The following MYH11 variants were observed in gnomAD, a reference collection of about 807,000 sequenced individuals.
MYH11 encodes the protein myosin heavy chain 11, also known as myosin-11.
Under a neutral mutation model 246.6 loss-of-function variants are expected in MYH11, and 80 were observed. That is an observed-to-expected ratio of 0.32 (90% CI 0.27 to 0.39). The LOEUF (loss-of-function observed/expected upper bound fraction) is 0.39. Among genes scored for constraint, MYH11 ranks in the 10% least tolerant of loss-of-function variants. MYH11 has a pLI of 1.00. For synonymous variants in MYH11, 1,071 were observed against 1,015.5 expected (o/e 1.05, Z -1.04); for missense variants, 2,158 against 2,546.8 (o/e 0.85, Z 3.29).
chr16:15,825,386 C>CAA lies in MYH11; in HGVS notation c.346-1977_346-1976dup, dbSNP rs1212947132. The stretch of plus-strand genomic sequence containing the variant: ...CAACAACAGCCGGACCCCCTCTCTA[C>CAA]AAAAAAAAAAAAAAAAAAAAAATAG... On this transcript the variant is annotated intron_variant, in intron 2 of 40. Coordinates refer to ENST00000300036, the MANE Select transcript of MYH11 (RefSeq NM_002474.3). 6.5e-3 allele frequency among the ~76,000 whole-genome samples: 398 copies of CAA among 60,904 alleles called. 1 individual carries two copies. The highest frequency in any genetic ancestry group is 0.016 in the African/African-American group (321 of 20,614). The allele number at this position is 60,904 out of a possible 152,430, so 40.0% of individuals were successfully genotyped here.
intron 7 of MYH11, 47 bp downstream of exon 7, chr16:15,778,733 G>C (rs557419953): frequency 6.3e-7 from 1 of 1,577,870 alleles, no homozygotes; most frequent in Non-Finnish European, 8.7e-7. Flanking sequence ...CAGGAGATTG[G>C]TAGGGGGCAG....
At position 15,756,793 on chromosome 16, in the gene MYH11, C is replaced by CT. The variant is rs60486632; in HGVS notation, c.1576-280dup. Among the ~76,000 whole-genome samples the CT allele has an allele frequency of 0.072, 6,100 of 84,452 alleles. 709 individuals carry two copies. Among genetic ancestry groups the CT allele is most frequent in the African/African-American group, 0.25 (5,669 of 22,652 alleles). The allele number at this position is 84,452 out of a possible 152,430, so 55.4% of individuals were successfully genotyped here. On this transcript the variant is annotated intron_variant, in intron 13 of 40. Coordinates refer to ENST00000300036, the MANE Select transcript of MYH11 (RefSeq NM_002474.3). ...GCAACATCATGAAGAGTTCATAACT[C>CT]TTTTTTTTTTTTTTTTTTTTTTGAG...
intron 40 of MYH11, chr16:15,711,137 T>G (rs183660745): frequency 6.6e-6 from 1 of 152,432 alleles, no homozygotes; most frequent in African/African-American, 2.4e-5. Context: ...GGCTTTTCCC[T>G]GAAGGCTTGG....
intron 40 of MYH11, chr16:15,708,930 C>T: frequency 2.3e-6 from 3 of 1,328,872 alleles, no homozygotes; most frequent in Non-Finnish European, 3.2e-6. Context: ...AAGACATTTG[C>T]TTCGATTTAA....
chr16:15,839,806 T>C (rs1308522191), intron 1 of MYH11, among the ~76,000 whole-genome samples: 1 of 151,176 alleles, frequency 6.6e-6, no homozygotes, highest in Non-Finnish European at 1.5e-5. Context: ...TCCCAGCACT[T>C]TGGGAGGCCA....
chr16:15,772,876 C>T (rs1021496659), intron 8 of MYH11, among the ~76,000 whole-genome samples: 3 of 152,140 alleles, frequency 2.0e-5, no homozygotes, highest in African/African-American at 7.2e-5. Flanking sequence ...TGCACATGTG[C>T]CCTCCTTATA....
chr16:15,852,468 G>A (rs2044355273), intron 1 of MYH11, among the ~76,000 whole-genome samples: 1 of 151,684 alleles, frequency 6.6e-6, no homozygotes, highest in Non-Finnish European at 1.5e-5. Context: ...GAGTAGCTGG[G>A]ATTACAGGTG....
Position 15,748,171 on chromosome 16 carries a change from G to A in MYH11, c.2059-3C>T, listed in dbSNP as rs754061471. Reference sequence around the variant, plus strand: ...AGGAACGCATCCAGCTTGCCGGACTGCAAAGGTCAAAGAGGGCAGTGGATC... The same window carrying A: ...AGGAACGCATCCAGCTTGCCGGACTACAAAGGTCAAAGAGGGCAGTGGATC... On this transcript the variant is annotated splice_region_variant and splice_polypyrimidine_tract_variant and intron_variant, in intron 16 of 40. Transcript: ENST00000300036. 6.2e-7 allele frequency: 1 copy of A among 1,613,528 alleles called. No individual in the cohort carries two copies. The highest frequency in any genetic ancestry group is 1.1e-5 in the South Asian group (1 of 91,090).
At chr16:15,720,752 G>A (rs2040425483) in intron 33 of MYH11, 87 bp downstream of exon 33, 56 of 1,419,966 alleles carry the variant, frequency 3.9e-5, no homozygotes, top group Non-Finnish European at 4.8e-5. Flanking sequence ...TAAAGAAAAC[G>A]AAGTTTCCAC....
intron 25 of MYH11, among the ~76,000 whole-genome samples, chr16:15,735,823 C>CGT (rs976499116): frequency 4.6e-5 from 7 of 152,300 alleles, no homozygotes; most frequent in African/African-American, 1.7e-4. Flanking sequence ...TGTGTATGCA[C>CGT]GTGTGTGCAT....
At chr16:15,721,315 T>C (rs2040467376) in intron 32 of MYH11, 107 bp downstream of exon 32, 1 of 1,293,054 alleles carries the variant, frequency 7.7e-7, no homozygotes, top group Non-Finnish European at 1.1e-6. Flanking sequence ...TTTCCGATGA[T>C]AGTTCGCTAT....
At chr16:15,747,480 G>T in intron 19 of MYH11, 90 bp downstream of exon 19, 1 of 1,473,688 alleles carries the variant, frequency 6.8e-7, no homozygotes, top group South Asian at 1.1e-5. Context: ...ATCTTAAACA[G>T]GTGGCCTCTT....
Position 15,792,764 on chromosome 16 carries a change from G to A in MYH11, c.530+5896C>T, listed in dbSNP as rs575262698. ...ATATTTTTTGAGATGGGGTCTCACTGTGTCACCCAGGCTGAAGTGCAGTGG... is the reference window on the plus strand; with the variant it reads ...ATATTTTTTGAGATGGGGTCTCACTATGTCACCCAGGCTGAAGTGCAGTGG... On this transcript the variant is annotated intron_variant, in intron 4 of 40. Transcript: ENST00000300036. The A allele has an allele frequency of 5.3e-5, 8 of 152,202 alleles. 1 individual carries two copies. Among genetic ancestry groups the A allele is most frequent in the South Asian group, 4.2e-4 (2 of 4,816 alleles). 9.4% of individuals were successfully genotyped at this position (152,202 alleles called of 1,614,324 possible).
At chr16:15,763,490 T>TCA (rs1336571767) in intron 10 of MYH11, among the ~76,000 whole-genome samples, 4 of 152,214 alleles carry the variant, frequency 2.6e-5, no homozygotes, top group African/African-American at 7.2e-5. Context: ...GAGTTCAAGA[T>TCA]CAGCTTGGGC....
intron 10 of MYH11, 55 bp downstream of exon 10, chr16:15,763,741 T>TCCCGCC: frequency 3.1e-6 from 2 of 646,850 alleles, no homozygotes; most frequent in Non-Finnish European, 5.8e-6. Context: ...AAATGTCACC[T>TCCCGCC]CCCCCACCCC....
In MYH11 at chr16:15,717,241, G is replaced by A. The variant is rs368159790; in HGVS notation, c.5403C>T (p.Leu1801=). The A allele has an allele frequency of 1.9e-6, 3 of 1,614,176 alleles. No homozygotes were observed. The highest frequency in any genetic ancestry group is 2.2e-5 in the South Asian group (2 of 91,090). The change falls in exon 38 of 41, where the codon CTC becomes CTT. Residue 1801 remains leucine (L), a synonymous_variant. Coordinates refer to ENST00000300036, the MANE Select transcript of MYH11 (RefSeq NM_002474.3). The part of the protein sequence containing the change: ...ERQNKELRSK[L]HEMEGAVKSK... ...ACTTGACGGCCCCCTCCATCTCGTG[G>A]AGCTTGCTCCGGAGCTCCTTGTTCT... is the stretch of plus-strand genomic sequence containing the variant.
At chr16:15,709,043 A>G (rs1037233570) in intron 40 of MYH11, among the ~76,000 whole-genome samples, 1 of 151,962 alleles carries the variant, frequency 6.6e-6, no homozygotes, top group Non-Finnish European at 1.5e-5. Flanking sequence ...CCTGGATTCA[A>G]GTGATCCCCT....
At chr16:15,709,414 A>G (rs111779140) in intron 40 of MYH11, among the ~76,000 whole-genome samples, 5 of 151,754 alleles carry the variant, frequency 3.3e-5, no homozygotes, top group Non-Finnish European at 5.9e-5. Flanking sequence ...TCCCGGGTTC[A>G]AGCGATTCTC....
chr16:15,713,155 T>C (rs1184376112), intron 40 of MYH11: 1 of 151,788 alleles, frequency 6.6e-6, no homozygotes, highest in Non-Finnish European at 1.5e-5. Flanking sequence ...CCTTGCAAAA[T>C]AAGGATTTTT....
Sources: allele counts gnomAD v4.1 joint callset (sites outside exome capture counted in the v4.1 genomes callset), GRCh38; gene constraint gnomAD v4.1.1; transcripts MANE v1.5; gene names NCBI Gene and HGNC (gene_info 2026-07-23, HGNC 2026-07-21).